Variants in CDH13 observed in about 807,000 individuals in gnomAD.
CDH13 encodes the protein cadherin-13.
Under a neutral mutation model 63.8 loss-of-function variants are expected in CDH13, and 24 were observed. The observed-to-expected ratio is 0.38, with a 90% CI of 0.27 to 0.53. The LOEUF (loss-of-function observed/expected upper bound fraction) is 0.53, where lower values mean the gene tolerates loss of function less well. Ranked by LOEUF, CDH13 falls within the 20% of genes least tolerant of loss-of-function variation. The pLI, the probability that CDH13 is intolerant of heterozygous loss-of-function variation, is 0.85. For missense variants in CDH13, 1,049 were observed against 903.1 expected, an observed-to-expected ratio of 1.16 and a Z score of -2.07; for synonymous variants, 503 against 355.3, an observed-to-expected ratio of 1.42 and a Z score of -4.67.
intron 4 of CDH13, among the ~76,000 whole-genome samples, chr16:83,193,155 A>G (rs78235089): frequency 7.8e-6 from 1 of 128,760 alleles, no homozygotes; most frequent in Non-Finnish European, 1.6e-5. Context: ...GCTATACTTG[A>G]AAAAAAAAAA....
chr16:83,328,173 C>G (rs570442651), intron 5 of CDH13, among the ~76,000 whole-genome samples: 3 of 150,452 alleles, frequency 2.0e-5, no homozygotes, highest in South Asian at 4.3e-4. Flanking sequence ...CTTTTGTGCA[C>G]AAGTGAAAGA....
chr16:83,190,461 T>C (rs966593445), intron 4 of CDH13, among the ~76,000 whole-genome samples: 7 of 152,214 alleles, frequency 4.6e-5, no homozygotes, highest in African/African-American at 1.7e-4. Context: ...CCCTAGTATT[T>C]TTTCCAATTG....
Position 83,592,623 on chromosome 16 carries a change from A to G in CDH13, c.961-9831A>G, listed in dbSNP as rs555579114. On this transcript the variant is annotated intron_variant, in intron 7 of 13. Coordinates refer to ENST00000567109, the MANE Select transcript of CDH13 (RefSeq NM_001257.5). The stretch of plus-strand genomic sequence containing the variant: ...TTTGGTGTCCCTCAACCGCAAATCT[A>G]TCATTTAGGCTATTCCAGCCACATA... Among the ~76,000 whole-genome samples, 4 of 152,304 alleles carry G rather than the reference A, an allele frequency of 2.6e-5. No individual in the cohort carries two copies. In the South Asian group the frequency reaches 6.2e-4, roughly 24 times the overall value.
chr16:83,055,762 A>G (rs1007249007), intron 3 of CDH13, among the ~76,000 whole-genome samples: 30 of 152,150 alleles, frequency 2.0e-4, no homozygotes, highest in African/African-American at 6.0e-4. Flanking sequence ...GGCCAACATA[A>G]TCTTCTTTGC....
At chr16:83,225,759 G>C (rs1490755653) in intron 5 of CDH13, among the ~76,000 whole-genome samples, 1 of 152,198 alleles carries the variant, frequency 6.6e-6, no homozygotes, top group Non-Finnish European at 1.5e-5. Context: ...CCAGGTGTCA[G>C]TATGTTTATA....
At chr16:82,703,238 T>C (rs1424206867) in intron 1 of CDH13, among the ~76,000 whole-genome samples, 1 of 151,858 alleles carries the variant, frequency 6.6e-6, no homozygotes, top group African/African-American at 2.4e-5. Flanking sequence ...CACAATGTTA[T>C]AAGGTGTATG....
At chr16:83,771,640 C>A (rs1159613821) in intron 11 of CDH13, among the ~76,000 whole-genome samples, 3 of 152,198 alleles carry the variant, frequency 2.0e-5, no homozygotes, top group Non-Finnish European at 4.4e-5. Flanking sequence ...CAAGACTTGC[C>A]ATTGTATGGC....
intron 10 of CDH13, among the ~76,000 whole-genome samples, chr16:83,684,710 G>T (rs182902956): frequency 1.3e-5 from 2 of 152,180 alleles, no homozygotes. Context: ...GAAAAATATT[G>T]TTCCTACCCA....
chr16:82,786,905 G>A (rs921864164), intron 1 of CDH13, among the ~76,000 whole-genome samples: 1 of 152,040 alleles, frequency 6.6e-6, no homozygotes, highest in African/African-American at 2.4e-5. Context: ...GTTTTTAAGG[G>A]TATTGGACAA....
chr16:83,130,290 A>C (rs544764589), intron 4 of CDH13, among the ~76,000 whole-genome samples: 2 of 152,316 alleles, frequency 1.3e-5, no homozygotes, highest in South Asian at 4.1e-4. Flanking sequence ...GGGTGACGTA[A>C]CCTGTCCAAA....
intron 3 of CDH13, among the ~76,000 whole-genome samples, chr16:83,042,251 G>C (rs1311964181): frequency 6.6e-6 from 1 of 152,194 alleles, no homozygotes; most frequent in Non-Finnish European, 1.5e-5. Context: ...AGCAAGCAAA[G>C]CTTCATCTGT....
intron 5 of CDH13, among the ~76,000 whole-genome samples, chr16:83,244,031 AC>A (rs1415414154): frequency 6.6e-6 from 1 of 152,094 alleles, no homozygotes; most frequent in Non-Finnish European, 1.5e-5. Flanking sequence ...AAGAATTCTA[AC>A]GTCCATCCTC....
At chr16:83,245,234 C>T (rs1290531403) in intron 5 of CDH13, among the ~76,000 whole-genome samples, 1 of 152,164 alleles carries the variant, frequency 6.6e-6, no homozygotes, top group Non-Finnish European at 1.5e-5. Context: ...TCTCTGCCAC[C>T]CCCCACTGTA....
chr16:82,776,457 C>T (rs933542349), intron 1 of CDH13, among the ~76,000 whole-genome samples: 1 of 152,088 alleles, frequency 6.6e-6, no homozygotes, highest in South Asian at 2.1e-4. Flanking sequence ...TAGTGGGAGT[C>T]TCTGAATCTG....
rs535725643 is a variant in CDH13, at chr16:83,673,207, A to C, written c.1284+2235A>C. Reference sequence around the variant, plus strand: ...GTTGTCAAGTACACAATAAAACCTAATCCATACGAATACTGACCCGTACTA... The same window carrying C: ...GTTGTCAAGTACACAATAAAACCTACTCCATACGAATACTGACCCGTACTA... On this transcript the variant is annotated intron_variant, in intron 9 of 13. Coordinates refer to ENST00000567109, the MANE Select transcript of CDH13 (RefSeq NM_001257.5). Among the ~76,000 whole-genome samples, 5 of 152,334 alleles carry C rather than the reference A, an allele frequency of 3.3e-5. No individual in the cohort carries two copies. The South Asian group carries it at 1.0e-3, about 32-fold the overall frequency.
At chr16:83,773,924 A>G (rs758781051) in intron 11 of CDH13, among the ~76,000 whole-genome samples, 2 of 151,868 alleles carry the variant, frequency 1.3e-5, no homozygotes, top group Non-Finnish European at 2.9e-5. Flanking sequence ...CTTTCTCTCC[A>G]TCCTTATCCC....
At chr16:83,067,571 C>G (rs1369674649) in intron 3 of CDH13, among the ~76,000 whole-genome samples, 1 of 152,158 alleles carries the variant, frequency 6.6e-6, no homozygotes, top group Non-Finnish European at 1.5e-5. Context: ...CCTCCACAAA[C>G]TAAGGTTCAT....
At chr16:82,627,282 T>G in intron 1 of CDH13, 145 bp downstream of exon 1, 7 of 687,344 alleles carry the variant, frequency 1.0e-5, no homozygotes, top group Middle Eastern at 3.9e-4. Context: ...AGGGAGGTCA[T>G]TCCGAGCCCA....
At chr16:82,686,505 T>A (rs1445555929) in intron 1 of CDH13, among the ~76,000 whole-genome samples, 1 of 152,170 alleles carries the variant, frequency 6.6e-6, no homozygotes, top group Non-Finnish European at 1.5e-5. Flanking sequence ...GAGGCAGCAG[T>A]GCGATGCATG....
Sources: gnomAD v4.1 joint callset for allele counts (sites outside exome capture counted in the v4.1 genomes callset) on GRCh38, gnomAD v4.1.1 for gene constraint, MANE v1.5 for transcripts, NCBI Gene and HGNC (gene_info 2026-07-23, HGNC 2026-07-21) for gene names.